COL21A1: variants seen among roughly 807,000 people sequenced by gnomAD.
The protein encoded by COL21A1 is collagen type XXI alpha 1 chain, also known as collagen alpha-1(XXI) chain.
COL21A1 carries 149 observed loss-of-function variants against 137.9 expected under a neutral mutation model. The observed-to-expected ratio is 1.08, with a 90% CI of 0.95 to 1.24. COL21A1 has a LOEUF of 1.24. Among genes scored for constraint, COL21A1 ranks in the 50% most tolerant of loss-of-function variants. The pLI, the probability that COL21A1 is intolerant of heterozygous loss-of-function variation, is 0.00. For missense variants in COL21A1, 1,167 were observed against 1,158.4 expected (o/e 1.01, Z -0.11); for synonymous variants, 456 against 391.5 (o/e 1.16, Z -1.95).
intron 17 of COL21A1, among the ~76,000 whole-genome samples, chr6:56,089,129 C>T (rs1275841860): frequency 6.6e-6 from 1 of 152,132 alleles, no homozygotes; most frequent in African/African-American, 2.4e-5. Context: ...ATTGGAAAGA[C>T]AAACTGCTCC....
chr6:56,090,377 C>A (rs1269308611), intron 17 of COL21A1, among the ~76,000 whole-genome samples: 2 of 152,166 alleles, frequency 1.3e-5, no homozygotes, highest in African/African-American at 4.8e-5. Context: ...ATATTTATGT[C>A]ATTTATGATA....
At chr6:56,112,559 A>G (rs1056336032) in intron 16 of COL21A1, among the ~76,000 whole-genome samples, 1 of 152,078 alleles carries the variant, frequency 6.6e-6, no homozygotes, top group African/African-American at 2.4e-5. Flanking sequence ...TCTGGGTGCT[A>G]ATGAAGGGAG....
chr6:56,124,697 A>G (rs939864019), intron 14 of COL21A1, among the ~76,000 whole-genome samples: 1 of 152,106 alleles, frequency 6.6e-6, no homozygotes, highest in East Asian at 1.9e-4. Context: ...GCTGGAGTGC[A>G]GTGGTGCAAT....
At chr6:56,377,738 C>G (rs9382626) in intron 1 of COL21A1, among the ~76,000 whole-genome samples, 4,215 of 152,112 alleles carry the variant, frequency 0.028, 176 homozygotes, top group African/African-American at 0.094. Context: ...ACACCAGCTG[C>G]GGCAACTAAG....
intron 17 of COL21A1, chr6:56,078,325 C>T (rs1767424760): frequency 2.3e-6 from 1 of 433,712 alleles, no homozygotes; most frequent in Admixed American, 2.5e-5. Flanking sequence ...TCATGCAAAA[C>T]AGTGATTGTA....
At chr6:56,189,123 G>C (rs936889480) in intron 1 of COL21A1, among the ~76,000 whole-genome samples, 1 of 151,986 alleles carries the variant, frequency 6.6e-6, no homozygotes, top group Admixed American at 6.6e-5. Flanking sequence ...TGAATTTGAC[G>C]AATTGACAGA....
chr6:56,181,783 G>C (rs1368398684), intron 2 of COL21A1, among the ~76,000 whole-genome samples: 2 of 152,128 alleles, frequency 1.3e-5, no homozygotes, highest in Admixed American at 1.3e-4. Flanking sequence ...CTCACAAGCT[G>C]TATGATGCTA....
chr6:56,142,066 T>C (rs948511797), intron 10 of COL21A1, 83 bp from the exon 11 acceptor site: 1 of 972,068 alleles, frequency 1.0e-6, no homozygotes, highest in Non-Finnish European at 1.5e-6. Context: ...TTCACTCTTA[T>C]CTCAAGTTTC....
At chr6:56,388,927 T>C (rs988843867) in intron 1 of COL21A1, among the ~76,000 whole-genome samples, 2 of 152,176 alleles carry the variant, frequency 1.3e-5, no homozygotes, top group Non-Finnish European at 2.9e-5. Flanking sequence ...AGAAAAAATG[T>C]ACCAAGAGAA....
intron 1 of COL21A1, among the ~76,000 whole-genome samples, chr6:56,197,693 C>T (rs563774862): frequency 1.3e-5 from 2 of 151,922 alleles, no homozygotes; most frequent in Admixed American, 6.6e-5. Flanking sequence ...ATCAAAAAGT[C>T]AAAAGATAGC....
intron 17 of COL21A1, among the ~76,000 whole-genome samples, chr6:56,097,936 A>T (rs372933130): frequency 0.4 from 16,423 of 41,086 alleles, 1,096 homozygotes; most frequent in East Asian, 0.56. Context: ...TAAATATATA[A>T]AAATATATAT....
At chr6:56,069,139 G>A in intron 21 of COL21A1, 22 bp from the exon 22 acceptor site, 1 of 1,546,806 alleles carries the variant, frequency 6.5e-7, no homozygotes, top group Non-Finnish European at 8.8e-7. Flanking sequence ...AGAAATTCCA[G>A]AAAGATCACA....
chr6:56,281,109 C>CT (rs781096531), intron 1 of COL21A1, among the ~76,000 whole-genome samples: 2 of 152,222 alleles, frequency 1.3e-5, no homozygotes, highest in Non-Finnish European at 2.9e-5. Context: ...AGCTCAACAT[C>CT]TCAAACCCCT....
intron 10 of COL21A1, among the ~76,000 whole-genome samples, chr6:56,155,675 A>G (rs1216802978): frequency 6.6e-6 from 1 of 152,238 alleles, no homozygotes; most frequent in African/African-American, 2.4e-5. Flanking sequence ...CAGCTCATGC[A>G]GCCTCCGCCT....
intron 9 of COL21A1, among the ~76,000 whole-genome samples, chr6:56,163,485 C>T (rs1776338288): frequency 6.6e-6 from 1 of 151,978 alleles, no homozygotes; most frequent in African/African-American, 2.4e-5. Context: ...TGGAGGCGGG[C>T]GGATCACGAG....
At chr6:56,237,853 T>C (rs1198569617) in intron 1 of COL21A1, among the ~76,000 whole-genome samples, 3 of 152,146 alleles carry the variant, frequency 2.0e-5, no homozygotes, top group African/African-American at 7.2e-5. Flanking sequence ...TTTTCCAGTA[T>C]TCTGAGATGT....
intron 17 of COL21A1, among the ~76,000 whole-genome samples, chr6:56,092,218 T>C (rs765199129): frequency 3.3e-5 from 5 of 152,136 alleles, no homozygotes; most frequent in African/African-American, 4.8e-5. Flanking sequence ...ATGTTTATTA[T>C]GTTTATGCTC....
At chr6:56,312,936 T>G (rs937008875) in intron 1 of COL21A1, among the ~76,000 whole-genome samples, 6 of 152,094 alleles carry the variant, frequency 3.9e-5, no homozygotes, top group Non-Finnish European at 8.8e-5. Flanking sequence ...TAGTCCACAG[T>G]AGCAAAAGTT....
intron 1 of COL21A1, among the ~76,000 whole-genome samples, chr6:56,370,362 T>G (rs1766209670): frequency 6.6e-6 from 1 of 152,168 alleles, no homozygotes; most frequent in Non-Finnish European, 1.5e-5. Flanking sequence ...AATCAGAGCC[T>G]CTCTGTAAAA....
Sources: gnomAD v4.1 joint callset for allele counts (sites outside exome capture counted in the v4.1 genomes callset) on GRCh38, gnomAD v4.1.1 for gene constraint, MANE v1.5 for transcripts, NCBI Gene and HGNC (gene_info 2026-07-23, HGNC 2026-07-21) for gene names.